NOL4L: variants seen among roughly 807,000 people sequenced by gnomAD.
NOL4L encodes nucleolar protein 4-like.
NOL4L carries 7 observed loss-of-function variants against 64.5 expected under a neutral mutation model. That is an observed-to-expected ratio of 0.11 (90% CI 0.06 to 0.20). NOL4L has a LOEUF of 0.20. Ranked by LOEUF, NOL4L falls within the 10% of genes least tolerant of loss-of-function variation. NOL4L has a pLI of 1.00. For missense variants in NOL4L, 680 were observed against 967.1 expected, an observed-to-expected ratio of 0.70 and a Z score of 3.94; for synonymous variants, 413 against 401.0, an observed-to-expected ratio of 1.03 and a Z score of -0.36.
At chr20:32,481,544 C>A (rs1006477429) in intron 4 of NOL4L, among the ~76,000 whole-genome samples, 1 of 151,660 alleles carries the variant, frequency 6.6e-6, no homozygotes, top group Non-Finnish European at 1.5e-5. Flanking sequence ...GGAGGAAGGC[C>A]GTCTTCTCAG....
intron 4 of NOL4L, among the ~76,000 whole-genome samples, chr20:32,480,958 A>C (rs1309398697): frequency 6.6e-6 from 1 of 152,178 alleles, no homozygotes; most frequent in East Asian, 1.9e-4. Context: ...TCCTCTGCTT[A>C]CTAGCCATGC....
chr20:32,452,784 C>G (rs878872699), intron 9 of NOL4L, 100 bp downstream of exon 9: 1 of 1,547,510 alleles, frequency 6.5e-7, no homozygotes, highest in South Asian at 1.2e-5. Context: ...GCCCTTCTCC[C>G]GACTGTACCC....
intron 4 of NOL4L, among the ~76,000 whole-genome samples, chr20:32,483,166 C>T (rs2015850075): frequency 6.7e-6 from 1 of 148,286 alleles, no homozygotes; most frequent in Non-Finnish European, 1.5e-5. Flanking sequence ...CGGCCCAGGG[C>T]GCAGCCGCTC....
chr20:32,536,979 G>A, intron 1 of NOL4L: 1 of 604,896 alleles, frequency 1.7e-6, no homozygotes, highest in Non-Finnish European at 2.1e-6. Flanking sequence ...CACCCCACGC[G>A]CACCTGCTGC....
intron 3 of NOL4L, among the ~76,000 whole-genome samples, chr20:32,515,372 AG>A (rs2017606361): frequency 6.6e-6 from 1 of 152,078 alleles, no homozygotes; most frequent in Admixed American, 6.5e-5. Context: ...TGGGGGAGGG[AG>A]GACCTCCGCA....
Position 32,454,217 on chromosome 20 carries a change from C to T in NOL4L, c.1120-456G>A, listed in dbSNP as rs572827729. 6.6e-4 allele frequency: 116 copies of T among 176,192 alleles called. 1 individual carries two copies. The highest frequency in any genetic ancestry group is 2.6e-3 in the African/African-American group (113 of 42,986). The allele number at this position is 176,192 out of a possible 1,614,324, so 10.9% of individuals were successfully genotyped here. ...CCAAGGGGCTGCAACCCCAAGTTGA[C>T]AACCGAGCTGTCACCAAAGCAACGA... On this transcript the variant is annotated intron_variant, in intron 6 of 10. Coordinates refer to ENST00000621426, the MANE Select transcript of NOL4L (RefSeq NM_001256798.2).
chr20:32,536,564 C>G (rs2018533485), intron 1 of NOL4L, among the ~76,000 whole-genome samples: 1 of 145,664 alleles, frequency 6.9e-6, no homozygotes, highest in Non-Finnish European at 1.5e-5. Context: ...CGGGAAGGCG[C>G]GCGCGCGCCG....
At chr20:32,503,943 C>T (rs1011425533) in intron 4 of NOL4L, among the ~76,000 whole-genome samples, 1 of 151,924 alleles carries the variant, frequency 6.6e-6, no homozygotes, top group Non-Finnish European at 1.5e-5. Flanking sequence ...TTTGTAAATA[C>T]CCAATGCCAT....
rs1204721409 is a variant in NOL4L, at chr20:32,511,463, G to A, written c.590-7C>T. Reference sequence around the variant, plus strand: ...GGAGATGGAGGCTCGTTTTCTGGCAGAAAGAACAAAAGGAAAGCCCTTTCA... The same window carrying A: ...GGAGATGGAGGCTCGTTTTCTGGCAAAAAGAACAAAAGGAAAGCCCTTTCA... On this transcript the variant is annotated splice_region_variant and splice_polypyrimidine_tract_variant and intron_variant, in intron 3 of 10. Transcript: ENST00000621426. 3 of 1,540,046 alleles carry A rather than the reference G, an allele frequency of 1.9e-6. No homozygotes were observed. Among genetic ancestry groups the A allele is most frequent in the Admixed American group, 2.0e-5 (1 of 50,972 alleles).
At chr20:32,568,780 C>G (rs567471135) in intron 1 of NOL4L, among the ~76,000 whole-genome samples, 36 of 152,332 alleles carry the variant, frequency 2.4e-4, no homozygotes, top group African/African-American at 8.2e-4. Flanking sequence ...CCTGCTGACC[C>G]TGCCAGGCTC....
intron 6 of NOL4L, among the ~76,000 whole-genome samples, chr20:32,454,661 C>T (rs993742629): frequency 5.9e-5 from 9 of 152,232 alleles, no homozygotes; most frequent in African/African-American, 1.4e-4. Context: ...TGTTGCCTTT[C>T]GGAAAGTTTG....
At position 32,460,218 on chromosome 20, in the gene NOL4L, C is replaced by A. The variant is rs1444225091; in HGVS notation, c.842-3823G>T. Among the ~76,000 whole-genome samples the A allele has an allele frequency of 6.6e-6, 1 of 152,196 alleles. No homozygotes were observed. The highest frequency in any genetic ancestry group is 1.5e-5 in the Non-Finnish European group (1 of 68,020). On this transcript the variant is annotated intron_variant, in intron 5 of 10. Coordinates refer to ENST00000621426, the MANE Select transcript of NOL4L (RefSeq NM_001256798.2). The surrounding 1 kb of genome is among the most constrained non-coding windows in gnomAD (Gnocchi z 5.7). ...CACACATTTTACCACACACACAGAA[C>A]CCAGACCAAAAACAGCCCCTTTGCC...
chr20:32,547,042 A>C (rs1006140449), intron 1 of NOL4L, among the ~76,000 whole-genome samples: 2 of 152,210 alleles, frequency 1.3e-5, no homozygotes, highest in African/African-American at 4.8e-5. Flanking sequence ...CAGGCAGGAC[A>C]ATCTGATGCC....
At chr20:32,582,400 C>A (rs1249827664) in intron 1 of NOL4L, among the ~76,000 whole-genome samples, 2 of 152,196 alleles carry the variant, frequency 1.3e-5, no homozygotes, top group African/African-American at 4.8e-5. Context: ...CTGAAGCCAG[C>A]AGCTGGGCCG....
At chr20:32,457,636 G>C (rs917144870) in intron 5 of NOL4L, among the ~76,000 whole-genome samples, 1 of 152,174 alleles carries the variant, frequency 6.6e-6, no homozygotes, top group East Asian at 1.9e-4. Flanking sequence ...CAGCCAGGCC[G>C]GGCAGAGGGG....
chr20:32,560,785 G>A (rs905445201), intron 1 of NOL4L, among the ~76,000 whole-genome samples: 4 of 152,256 alleles, frequency 2.6e-5, no homozygotes, highest in African/African-American at 7.2e-5. Context: ...GCTGGATGGG[G>A]GACGGACAGA....
At chr20:32,571,688 C>A (rs553667932) in intron 1 of NOL4L, among the ~76,000 whole-genome samples, 4 of 152,368 alleles carry the variant, frequency 2.6e-5, no homozygotes, top group South Asian at 2.1e-4. Flanking sequence ...AAGGCACTCT[C>A]TCCCTGTCCT....
intron 1 of NOL4L, among the ~76,000 whole-genome samples, chr20:32,560,749 G>A (rs373388763): frequency 7.2e-5 from 11 of 152,228 alleles, no homozygotes; most frequent in Admixed American, 1.3e-4. Flanking sequence ...GAACCTGTGC[G>A]CCAAACCACA....
intron 2 of NOL4L, 122 bp from the exon 3 acceptor site, chr20:32,521,044 T>C (rs1003295714): frequency 5.2e-6 from 3 of 580,552 alleles, no homozygotes; most frequent in Admixed American, 6.4e-5. Context: ...AGTCAGGGAT[T>C]TGAGGAGCAA....
Sources: gnomAD v4.1 joint callset for allele counts (sites outside exome capture counted in the v4.1 genomes callset) on GRCh38, gnomAD v4.1.1 for gene constraint, Gnocchi (gnomAD v3.1) non-coding constraint, MANE v1.5 for transcripts, NCBI Gene and HGNC (gene_info 2026-07-23, HGNC 2026-07-21) for gene names.